VIP: variants seen among roughly 807,000 people sequenced by gnomAD.
VIP encodes vasoactive intestinal peptide.
Under a neutral mutation model 20.1 loss-of-function variants are expected in VIP, and 18 were observed. The ratio of observed to expected loss-of-function variants is 0.90; its 90% confidence interval spans 0.62 to 1.33. The LOEUF (loss-of-function observed/expected upper bound fraction) is 1.33. Ranked by LOEUF, VIP falls within the 40% of genes most tolerant of loss-of-function variation. The probability of loss-of-function intolerance (pLI) is 0.00; values close to 1 mark genes in which losing one functional copy is unlikely to be tolerated. For synonymous variants in VIP, 70 were observed against 68.1 expected (o/e 1.03, Z -0.14); for missense variants, 209 against 199.4 (o/e 1.05, Z -0.29).
intron 3 of VIP, among the ~76,000 whole-genome samples, chr6:152,754,771 T>C (rs116017992): frequency 1.8e-3 from 276 of 152,002 alleles, no homozygotes; most frequent in African/African-American, 6.2e-3. Context: ...GGTGGGATGA[T>C]AGGCCTTAAT....
At position 152,756,255 on chromosome 6, in the gene VIP, G is replaced by T. The variant is rs760640235; in HGVS notation, c.457G>T (p.Gly153Ter). The T allele has an allele frequency of 6.9e-6, 11 of 1,605,164 alleles. No homozygotes were observed. The East Asian group carries it at 2.5e-4, about 36-fold the overall frequency. Reference sequence around the variant, plus strand: ...GAAATATTTGAACTCAATTCTGAATGGAAAGAGGAGGTAAAGAAAAAGAGA... The same window carrying T: ...GAAATATTTGAACTCAATTCTGAATTGAAAGAGGAGGTAAAGAAAAAGAGA... ...VKKYLNSILN[G>*]KRSSEGESPD... Residue 153 changes from glycine (G) to a stop codon, truncating the protein, a stop_gained, in exon 5 of 7, where the codon GGA becomes TGA. Coordinates refer to ENST00000367244, the MANE Select transcript of VIP (RefSeq NM_003381.4). LOFTEE classifies it high-confidence loss of function.
intron 3 of VIP, among the ~76,000 whole-genome samples, chr6:152,754,499 T>A (rs180933024): frequency 2.4e-4 from 36 of 152,166 alleles, no homozygotes; most frequent in African/African-American, 7.2e-4. Context: ...CAAGCCAGGA[T>A]GAACACACCA....
Position 152,754,262 on chromosome 6 carries a change from T to C in VIP, c.204T>C (p.Asn68=), listed in dbSNP as rs770308268. The C allele has an allele frequency of 8.1e-6, 13 of 1,611,008 alleles. No individual in the cohort carries two copies. Among genetic ancestry groups the C allele is most frequent in the Middle Eastern group, 1.6e-4 (1 of 6,062 alleles). Residue 68 remains asparagine, a synonymous_variant, in exon 3 of 7, where the codon AAT becomes AAC. Transcript: ENST00000367244. ...TGTTGCAAAATGCATTAGCTGAAAA[T>C]GACACACCCTATTATGATGTATCCA... ...IDMLQNALAE[N]DTPYYDVSRN... is the part of the protein sequence containing the mutation.
intron 4 of VIP, 121 bp from the exon 5 acceptor site, chr6:152,756,013 T>A: frequency 9.2e-7 from 1 of 1,086,478 alleles, no homozygotes; most frequent in South Asian, 2.4e-5. Flanking sequence ...TTAGTCTTTT[T>A]ATGATAGAAA....
At chr6:152,755,837 T>C (rs1321515637) in intron 4 of VIP, among the ~76,000 whole-genome samples, 1 of 151,794 alleles carries the variant, frequency 6.6e-6, no homozygotes, top group Non-Finnish European at 1.5e-5. Context: ...AAAAAAAATT[T>C]CTCCCAATGG....
chr6:152,756,136 GT>G lies in VIP; in HGVS notation c.339del (p.Ser113ArgfsTer31). 3 of 1,557,132 alleles carry G rather than the reference GT, an allele frequency of 1.9e-6. No individual in the cohort carries two copies. Among genetic ancestry groups the G allele is most frequent in the Non-Finnish European group, 2.6e-6 (3 of 1,153,554 alleles). ...TTCCTTTTCCTCATGTTCCTTAGCA[GT>G]AACATCTCAGAAGACCCTGTACCAG... Reference protein sequence around the residue: ...LESLMGKRVSSNISEDPVPVK... With the variant: ...LESLMGKRVSXNISEDPVPVK... On this transcript the variant is annotated frameshift_variant, in exon 5 of 7. Transcript: ENST00000367244. LOFTEE classifies it high-confidence loss of function.
At chr6:152,758,547 G>A (rs1583999246) in intron 6 of VIP, among the ~76,000 whole-genome samples, 1 of 152,054 alleles carries the variant, frequency 6.6e-6, no homozygotes, top group Non-Finnish European at 1.5e-5. Flanking sequence ...TAATCACACT[G>A]TGCTTTGTAA....
intron 3 of VIP, among the ~76,000 whole-genome samples, chr6:152,754,705 C>T (rs2099730146): frequency 6.6e-6 from 1 of 151,882 alleles, no homozygotes; most frequent in South Asian, 2.1e-4. Flanking sequence ...GACCAAGTAG[C>T]TCTATAGTAC....
In VIP at chr6:152,757,080, T is replaced by A. The variant is rs747741957; in HGVS notation, c.468-16T>A. ...TCTGAGAGCCTTAATATGTACAATG[T>A]TTTTCTGGTCTGCAGCAGTGAGGGA... On this transcript the variant is annotated splice_polypyrimidine_tract_variant and intron_variant, in intron 5 of 6. Coordinates refer to ENST00000367244, the MANE Select transcript of VIP (RefSeq NM_003381.4). The A allele has an allele frequency of 3.7e-6, 6 of 1,611,232 alleles. No individual in the cohort carries two copies. The highest frequency in any genetic ancestry group is 1.7e-5 in the Admixed American group (1 of 59,740).
chr6:152,755,284 T>A lies in VIP; in HGVS notation c.246T>A (p.Ala82=). The change falls in exon 4 of 7, where the codon GCT becomes GCA. Residue 82 remains alanine (A), a synonymous_variant. Coordinates refer to ENST00000367244, the MANE Select transcript of VIP (RefSeq NM_003381.4). ...YYDVSRNARH[A]DGVFTSDFSK... ...CTTGTTTTAGAAATGCCAGGCATGC[T>A]GATGGAGTTTTCACCAGTGACTTCA... 6.3e-7 allele frequency: 1 copy of A among 1,578,522 alleles called. No homozygotes were observed. Among genetic ancestry groups the A allele is most frequent in the Non-Finnish European group, 8.6e-7 (1 of 1,164,340 alleles).
chr6:152,755,718 C>T (rs1165290020), intron 4 of VIP, among the ~76,000 whole-genome samples: 3 of 151,772 alleles, frequency 2.0e-5, no homozygotes, highest in Non-Finnish European at 4.4e-5. Context: ...CTTTTTACTT[C>T]CTGCTCAAAT....
chr6:152,758,148 G>A (rs1333790774), intron 6 of VIP, among the ~76,000 whole-genome samples: 1 of 151,938 alleles, frequency 6.6e-6, no homozygotes, highest in South Asian at 2.1e-4. Context: ...CATAAAACCT[G>A]AAGGTGAGCC....
Position 152,754,269 on chromosome 6 carries a change from C to A in VIP, c.211C>A (p.Pro71Thr), listed in dbSNP as rs555932991. 3 of 1,610,342 alleles carry A rather than the reference C, an allele frequency of 1.9e-6. No individual in the cohort carries two copies. Among genetic ancestry groups the A allele is most frequent in the Non-Finnish European group, 2.5e-6 (3 of 1,177,990 alleles). Residue 71 changes from proline (P) to threonine (T), a missense_variant, in exon 3 of 7, where the codon CCC (proline) becomes ACC (threonine). Pro to Thr is a conservative substitution (Grantham distance 38). Coordinates refer to ENST00000367244, the MANE Select transcript of VIP (RefSeq NM_003381.4). ...AAATGCATTAGCTGAAAATGACACA[C>A]CCTATTATGATGTATCCAGGTGAGT... ...LQNALAENDT[P>T]YYDVSRNARH...
chr6:152,757,062 G>GATGAGATGAGATGTA, intron 5 of VIP, 34 bp from the exon 6 acceptor site: 1 of 1,607,504 alleles, frequency 6.2e-7, no homozygotes, highest in Non-Finnish European at 8.5e-7. Context: ...TCATCTGAGA[G>GATGAGATGAGATGTA]CCTTAATATG....
chr6:152,756,614 T>C (rs2099730463), intron 5 of VIP, among the ~76,000 whole-genome samples: 1 of 152,028 alleles, frequency 6.6e-6, no homozygotes, highest in Non-Finnish European at 1.5e-5. Flanking sequence ...TGATGATTTT[T>C]AAAACATGTA....
intron 4 of VIP, 79 bp from the exon 5 acceptor site, chr6:152,756,055 C>A (rs1024666510): frequency 7.3e-6 from 10 of 1,378,166 alleles, no homozygotes; most frequent in South Asian, 2.0e-5. Flanking sequence ...TTTTATGTGG[C>A]TCCAAGAAAC....
At chr6:152,756,407 C>A (rs891779332) in intron 5 of VIP, 142 bp downstream of exon 5, 16 of 951,030 alleles carry the variant, frequency 1.7e-5, no homozygotes, top group Non-Finnish European at 2.4e-5. Flanking sequence ...CATTAGACTA[C>A]CCCGCAGAAC....
intron 2 of VIP, among the ~76,000 whole-genome samples, chr6:152,753,450 C>T (rs2099729952): frequency 6.6e-6 from 1 of 152,046 alleles, no homozygotes; most frequent in Non-Finnish European, 1.5e-5. Context: ...TAGTCATATT[C>T]CATATATGCA....
intron 2 of VIP, among the ~76,000 whole-genome samples, chr6:152,752,841 G>T (rs1461364195): frequency 6.6e-6 from 1 of 151,896 alleles, no homozygotes; most frequent in Non-Finnish European, 1.5e-5. Flanking sequence ...GATATACTTT[G>T]TTTGGACCAT....
Sources: allele counts gnomAD v4.1 joint callset (sites outside exome capture counted in the v4.1 genomes callset), GRCh38; gene constraint gnomAD v4.1.1; transcripts MANE v1.5; gene names NCBI Gene and HGNC (gene_info 2026-07-23, HGNC 2026-07-21).